Variants in MRTFB observed in about 807,000 individuals in gnomAD.
MRTFB encodes myocardin related transcription factor B, also known as myocardin-related transcription factor B.
In MRTFB, 29 loss-of-function variants were observed where a neutral mutation model predicts 104.2. The observed-to-expected ratio is 0.28, with a 90% CI of 0.21 to 0.38. The LOEUF is 0.38. Among genes scored for constraint, MRTFB ranks in the 10% least tolerant of loss-of-function variants. The pLI, the probability that MRTFB is intolerant of heterozygous loss-of-function variation, is 1.00. For synonymous variants in MRTFB, 535 were observed against 519.5 expected (o/e 1.03, Z -0.41); for missense variants, 1,270 against 1,341.6 (o/e 0.95, Z 0.83).
At chr16:14,205,869 C>T (rs1167179540) in intron 3 of MRTFB, among the ~76,000 whole-genome samples, 2 of 152,260 alleles carry the variant, frequency 1.3e-5, no homozygotes, top group African/African-American at 2.4e-5. Flanking sequence ...AGCAAGGCAC[C>T]GGGAGAGAAT....
At chr16:14,173,216 T>C (rs186116071) in intron 3 of MRTFB, among the ~76,000 whole-genome samples, 1 of 152,166 alleles carries the variant, frequency 6.6e-6, no homozygotes, top group South Asian at 2.1e-4. Flanking sequence ...TTTTTCCATA[T>C]GAACTTGAGT....
chr16:14,174,203 C>T (rs990181849), intron 3 of MRTFB, among the ~76,000 whole-genome samples: 3 of 152,112 alleles, frequency 2.0e-5, no homozygotes, highest in Admixed American at 2.0e-4. Flanking sequence ...CCTTATATAT[C>T]CTTATTTTTT....
Position 14,266,364 on chromosome 16 carries a change from CTCT to C in MRTFB, c.*4925_*4927del, listed in dbSNP as rs984289982. The C allele has an allele frequency of 3.9e-5, 6 of 151,996 alleles. No homozygotes were observed. Among genetic ancestry groups the C allele is most frequent in the African/African-American group, 9.7e-5 (4 of 41,384 alleles). The allele number at this position is 151,996 out of a possible 1,614,324, so 9.4% of individuals were successfully genotyped here. On this transcript the variant is annotated 3_prime_UTR_variant, in exon 17 of 17. Coordinates refer to ENST00000571589, the MANE Select transcript of MRTFB (RefSeq NM_001308142.2). ...TAGAAATGCAATGTGATAGGTGTTT[CTCT>C]TCTTATTTTCATTGTCACATTATGT...
At chr16:14,029,488 A>G in the MRTFB span, among the ~76,000 whole-genome samples, 11,948 of 140,598 alleles carry the variant, frequency 0.085, 569 homozygotes, top group Non-Finnish European at 0.098. Flanking sequence ...ATATGTATAT[A>G]CACATTATAT....
At chr16:14,234,381 A>G in intron 9 of MRTFB, 98 bp downstream of exon 9, 1 of 1,400,676 alleles carries the variant, frequency 7.1e-7, no homozygotes. Context: ...CAACTTGCTC[A>G]GCCTGCCTTT....
intron 3 of MRTFB, among the ~76,000 whole-genome samples, chr16:14,149,030 T>C (rs948783055): frequency 2.0e-5 from 3 of 152,208 alleles, no homozygotes; most frequent in East Asian, 3.8e-4. Context: ...AGTCAGACTT[T>C]CCTGCCATAT....
intron 3 of MRTFB, among the ~76,000 whole-genome samples, chr16:14,192,793 CT>C (rs1361687365): frequency 6.6e-6 from 1 of 152,148 alleles, no homozygotes; most frequent in Admixed American, 6.5e-5. Context: ...TCCAATGGGC[CT>C]TTTATTCCTT....
chr16:14,077,044 G>T lies in MRTFB; in HGVS notation c.-128-2246G>T, dbSNP rs547247506. On this transcript the variant is annotated intron_variant, in intron 1 of 16. Transcript: ENST00000571589. ...GAGATTAGCCCTTTGTTAGGTTGCA[G>T]TTTCCCTCAACTTGTCACTTGTTTT... Among the ~76,000 whole-genome samples, 17 of 152,292 alleles carry T rather than the reference G, an allele frequency of 1.1e-4. 1 individual carries two copies. In the South Asian group the frequency reaches 2.3e-3, roughly 20 times the overall value.
At chr16:14,033,259 AC>A in the MRTFB span, among the ~76,000 whole-genome samples, 5 of 152,030 alleles carry the variant, frequency 3.3e-5, no homozygotes, top group Non-Finnish European at 7.4e-5. Context: ...TTAAAAAAAA[AC>A]ATAGGTCGGG....
chr16:14,095,051 CT>C lies in MRTFB; in HGVS notation c.-64+15699del, dbSNP rs149029267. Among the ~76,000 whole-genome samples the C allele has an allele frequency of 1.7e-3, 258 of 152,234 alleles. 2 individuals are homozygous for C. The East Asian group carries it at 0.04, about 23-fold the overall frequency. ...GGGCACCCCGTAGGTCTAAAATAGT[CT>C]TCTTATCTTACCAAAGAGAACTTGC... On this transcript the variant is annotated intron_variant, in intron 2 of 16. Transcript: ENST00000571589.
Position 14,262,520 on chromosome 16 carries a change from GC to G in MRTFB, c.*1078del, listed in dbSNP as rs1314039799. 6.6e-6 allele frequency: 1 copy of G among 152,190 alleles called. No homozygotes were observed. The highest frequency in any genetic ancestry group is 1.5e-5 in the Non-Finnish European group (1 of 68,038). 9.4% of individuals were successfully genotyped at this position (152,190 alleles called of 1,614,324 possible). A position where few individuals can be genotyped will look rare whatever the true frequency, so the allele number is the denominator to read the frequency against. On this transcript the variant is annotated 3_prime_UTR_variant, in exon 17 of 17. Transcript: ENST00000571589. ...CCATGATGAGTACAGGTCAGATTGT[GC>G]CACAAGGTGGGCCTCCACGTCCCTG...
the MRTFB span, among the ~76,000 whole-genome samples, chr16:14,004,282 C>G: frequency 6.6e-6 from 1 of 152,208 alleles, no homozygotes; most frequent in South Asian, 2.1e-4. Context: ...GCCGCCCATC[C>G]TGTTCCATGA....
At chr16:14,162,351 A>C (rs985527830) in intron 3 of MRTFB, among the ~76,000 whole-genome samples, 2 of 148,920 alleles carry the variant, frequency 1.3e-5, no homozygotes, top group Non-Finnish European at 2.9e-5. Context: ...TTCCCCAAAA[A>C]GATGATGGGT....
chr16:13,996,270 T>TCAA, the MRTFB span, among the ~76,000 whole-genome samples: 40 of 149,536 alleles, frequency 2.7e-4, no homozygotes, highest in Non-Finnish European at 4.6e-4. Flanking sequence ...ATACTCTGTC[T>TCAA]CAACAACAAC....
At chr16:14,115,157 G>A (rs770789484) in intron 2 of MRTFB, among the ~76,000 whole-genome samples, 4 of 152,178 alleles carry the variant, frequency 2.6e-5, no homozygotes, top group African/African-American at 4.8e-5. Flanking sequence ...TCAGCACCAC[G>A]CTGACACTAC....
At chr16:14,003,468 C>T in the MRTFB span, among the ~76,000 whole-genome samples, 1 of 152,208 alleles carries the variant, frequency 6.6e-6, no homozygotes, top group Non-Finnish European at 1.5e-5. Context: ...AGAACAGCCC[C>T]CAGGCAGTTT....
chr16:14,097,193 C>A (rs1160609478), intron 2 of MRTFB, among the ~76,000 whole-genome samples: 1 of 152,196 alleles, frequency 6.6e-6, no homozygotes, highest in Admixed American at 6.5e-5. Context: ...CCAGCACTTA[C>A]AACAATGCCA....
rs193254298 is a variant in MRTFB at position 14,186,163 on chromosome 16, T to C, written c.155-24080T>C. 1.7e-3 allele frequency among the ~76,000 whole-genome samples: 261 copies of C among 152,344 alleles called. 3 individuals are homozygous for C. Among genetic ancestry groups the C allele is most frequent in the Admixed American group, 0.016 (238 of 15,300 alleles). On this transcript the variant is annotated intron_variant, in intron 3 of 16. Coordinates refer to ENST00000571589, the MANE Select transcript of MRTFB (RefSeq NM_001308142.2). ...ATTGCCAAAGGAAGAAAGCTGCAATTGCAGTACATTTCCCTATTACAAAGA... is the reference window on the plus strand; with the variant it reads ...ATTGCCAAAGGAAGAAAGCTGCAATCGCAGTACATTTCCCTATTACAAAGA...
At chr16:14,222,565 T>A (rs2041780489) in intron 8 of MRTFB, among the ~76,000 whole-genome samples, 2 of 80,122 alleles carry the variant, frequency 2.5e-5, no homozygotes, top group Admixed American at 3.1e-4. Flanking sequence ...CTAATTTCCC[T>A]GTTTAGGTTT....
Sources: gnomAD v4.1 joint callset for allele counts (sites outside exome capture counted in the v4.1 genomes callset) on GRCh38, gnomAD v4.1.1 for gene constraint, MANE v1.5 for transcripts, NCBI Gene and HGNC (gene_info 2026-07-23, HGNC 2026-07-21) for gene names.